Variants in PABPC4L observed in about 807,000 individuals in gnomAD.
PABPC4L encodes polyadenylate-binding protein 4-like.
For synonymous variants in PABPC4L, 169 were observed against 164.1 expected (o/e 1.03, Z -0.23); for missense variants, 452 against 451.4 (o/e 1.00, Z -0.01).
the PABPC4L span, among the ~76,000 whole-genome samples, chr4:134,129,349 C>G: frequency 6.6e-6 from 1 of 152,088 alleles, no homozygotes. Flanking sequence ...ACAGAACATT[C>G]TACCCAACAG....
the PABPC4L span, among the ~76,000 whole-genome samples, chr4:134,091,804 A>G: frequency 1.3e-5 from 2 of 152,000 alleles, no homozygotes; most frequent in Non-Finnish European, 2.9e-5. Flanking sequence ...AGTGAATTAT[A>G]TTGATGATTT....
chr4:134,078,913 C>T, the PABPC4L span, among the ~76,000 whole-genome samples: 8 of 150,376 alleles, frequency 5.3e-5, no homozygotes, highest in Non-Finnish European at 1.0e-4. Context: ...GGTGATCTGC[C>T]TGCTTCAGCC....
At chr4:133,970,056 A>ATT in the PABPC4L span, among the ~76,000 whole-genome samples, 2 of 143,336 alleles carry the variant, frequency 1.4e-5, no homozygotes, top group African/African-American at 5.0e-5. Context: ...TTTATTTAAA[A>ATT]TATTTAAAAT....
the PABPC4L span, among the ~76,000 whole-genome samples, chr4:134,054,250 ATG>A: frequency 3.2e-3 from 172 of 53,900 alleles, 1 homozygote; most frequent in Non-Finnish European, 4.4e-3. Flanking sequence ...TTAGTTGTAT[ATG>A]TATATATATA....
At chr4:133,989,095 T>G in the PABPC4L span, among the ~76,000 whole-genome samples, 1 of 151,972 alleles carries the variant, frequency 6.6e-6, no homozygotes, top group Admixed American at 6.6e-5. Flanking sequence ...CTGGGCCCAG[T>G]CCATGAAAGC....
chr4:134,176,798 C>T, the PABPC4L span, among the ~76,000 whole-genome samples: 1 of 152,130 alleles, frequency 6.6e-6, no homozygotes, highest in African/African-American at 2.4e-5. Flanking sequence ...GATTCATGCT[C>T]TCCACAGGGA....
At chr4:134,075,790 T>G in the PABPC4L span, among the ~76,000 whole-genome samples, 2 of 152,302 alleles carry the variant, frequency 1.3e-5, no homozygotes, top group South Asian at 2.1e-4. Context: ...ATGTAAAATT[T>G]TATGTGTTCT....
At chr4:134,105,754 T>A in the PABPC4L span, among the ~76,000 whole-genome samples, 1 of 151,632 alleles carries the variant, frequency 6.6e-6, no homozygotes, top group African/African-American at 2.4e-5. Context: ...GAATCAAAAC[T>A]AGAAAGGTGG....
chr4:134,082,461 C>T, the PABPC4L span, among the ~76,000 whole-genome samples: 4 of 152,164 alleles, frequency 2.6e-5, no homozygotes, highest in African/African-American at 9.6e-5. Flanking sequence ...TCTGTTCTAA[C>T]AGTTGAAGTA....
At chr4:134,044,256 AC>A in the PABPC4L span, among the ~76,000 whole-genome samples, 1 of 150,584 alleles carries the variant, frequency 6.6e-6, no homozygotes, top group South Asian at 2.1e-4. Flanking sequence ...AATATATTTT[AC>A]TTTTATTATT....
At chr4:133,973,704 GT>G in the PABPC4L span, among the ~76,000 whole-genome samples, 2 of 152,052 alleles carry the variant, frequency 1.3e-5, no homozygotes, top group Non-Finnish European at 2.9e-5. Context: ...ACACCACTCA[GT>G]TTATCTTTAT....
chr4:134,027,649 C>A, the PABPC4L span, among the ~76,000 whole-genome samples: 1 of 152,078 alleles, frequency 6.6e-6, no homozygotes, highest in Middle Eastern at 3.4e-3. Flanking sequence ...TTTGAGAAAT[C>A]TGCATATTGT....
the PABPC4L span, among the ~76,000 whole-genome samples, chr4:134,182,945 G>A: frequency 6.6e-6 from 1 of 151,880 alleles, no homozygotes; most frequent in Non-Finnish European, 1.5e-5. Context: ...TTATTAAAAA[G>A]TCACAAAATA....
chr4:134,167,437 A>C, the PABPC4L span, among the ~76,000 whole-genome samples: 1 of 151,982 alleles, frequency 6.6e-6, no homozygotes, highest in Middle Eastern at 3.4e-3. Context: ...TAAATAAATA[A>C]TAATATGGCA....
At chr4:134,068,690 C>T in the PABPC4L span, among the ~76,000 whole-genome samples, 1 of 151,722 alleles carries the variant, frequency 6.6e-6, no homozygotes, top group Non-Finnish European at 1.5e-5. Flanking sequence ...TTAGCACTCC[C>T]TTCAGTACCT....
At chr4:133,975,686 G>T in the PABPC4L span, among the ~76,000 whole-genome samples, 953 of 152,156 alleles carry the variant, frequency 6.3e-3, 34 homozygotes, top group Admixed American at 0.057. Context: ...TATAACAGAG[G>T]CATGATGATA....
the PABPC4L span, among the ~76,000 whole-genome samples, chr4:134,042,976 G>T: frequency 6.6e-6 from 1 of 152,114 alleles, no homozygotes; most frequent in African/African-American, 2.4e-5. Flanking sequence ...GTCCCAAAAT[G>T]TTCACCAGTA....
the PABPC4L span, among the ~76,000 whole-genome samples, chr4:134,176,432 G>C: frequency 6.6e-6 from 1 of 152,116 alleles, no homozygotes; most frequent in African/African-American, 2.4e-5. Flanking sequence ...GAGCGCAGGA[G>C]TTGGAGACCA....
chr4:134,085,063 T>G, the PABPC4L span, among the ~76,000 whole-genome samples: 1 of 152,014 alleles, frequency 6.6e-6, no homozygotes, highest in African/African-American at 2.4e-5. Context: ...GCGAATTTCC[T>G]GAGGCTCCAC....
Sources: allele counts gnomAD v4.1 joint callset (sites outside exome capture counted in the v4.1 genomes callset), GRCh38; gene constraint gnomAD v4.1.1; transcripts MANE v1.5; gene names NCBI Gene and HGNC (gene_info 2026-07-23, HGNC 2026-07-21).